Variants in BTLA observed in about 807,000 individuals in gnomAD.
BTLA encodes the protein B- and T-lymphocyte attenuator.
A neutral mutation model predicts 25.0 loss-of-function variants in BTLA; 11 were observed. That is an observed-to-expected ratio of 0.44 (90% CI 0.28 to 0.73). The LOEUF is 0.73. BTLA is among the 30% of genes least tolerant of loss of function. BTLA has a pLI of 0.15. For missense variants in BTLA, 282 were observed against 332.8 expected (o/e 0.85, Z 1.19); for synonymous variants, 104 against 119.8 (o/e 0.87, Z 0.86).
At chr3:112,469,546 A>G (rs1327346767) in intron 4 of BTLA, among the ~76,000 whole-genome samples, 2 of 149,420 alleles carry the variant, frequency 1.3e-5, no homozygotes, top group African/African-American at 5.0e-5. Context: ...TGTTAACCCT[A>G]AAGAGTCTTT....
intron 1 of BTLA, among the ~76,000 whole-genome samples, chr3:112,484,168 A>G (rs1396519861): frequency 6.6e-6 from 1 of 152,160 alleles, no homozygotes. Context: ...GGGACCAGGA[A>G]TCTCATGATA....
intron 1 of BTLA, among the ~76,000 whole-genome samples, chr3:112,491,493 G>T (rs2082379731): frequency 6.6e-6 from 1 of 152,048 alleles, no homozygotes; most frequent in South Asian, 2.1e-4. Flanking sequence ...GAGGAAACTG[G>T]GTATTAGAGA....
At chr3:112,467,446 G>A (rs1331886248) in intron 4 of BTLA, among the ~76,000 whole-genome samples, 5 of 152,186 alleles carry the variant, frequency 3.3e-5, no homozygotes, top group African/African-American at 1.2e-4. Flanking sequence ...GGCTATTTCA[G>A]TTTTTTAAAT....
intron 2 of BTLA, among the ~76,000 whole-genome samples, chr3:112,476,646 ACTCTT>A (rs1320528161): frequency 1.3e-5 from 2 of 152,146 alleles, no homozygotes; most frequent in African/African-American, 4.8e-5. Context: ...ATTAAAGGGC[ACTCTT>A]CTTTGATCCA....
intron 1 of BTLA, among the ~76,000 whole-genome samples, chr3:112,488,250 C>G (rs1190641104): frequency 9.5e-6 from 1 of 105,396 alleles, no homozygotes; most frequent in African/African-American, 3.6e-5. Flanking sequence ...TTTTTTGAGA[C>G]AGAGTCTCGC....
At position 112,464,759 on chromosome 3, in the gene BTLA, G is replaced by C. The variant is rs1431373797; in HGVS notation, c.*1349C>G. ...TGAAAATATAATGTCAATTTGATCA[G>C]TTTCTCGTGCACCATTTCTGTTGTC... On this transcript the variant is annotated 3_prime_UTR_variant, in exon 5 of 5. Coordinates refer to ENST00000334529, the MANE Select transcript of BTLA (RefSeq NM_181780.4). 1 of 151,162 alleles carries C rather than the reference G, an allele frequency of 6.6e-6. No homozygotes were observed. Among genetic ancestry groups the C allele is most frequent in the Non-Finnish European group, 1.5e-5 (1 of 67,846 alleles). 9.4% of individuals were successfully genotyped at this position (151,162 alleles called of 1,614,324 possible). A position where few individuals can be genotyped will look rare whatever the true frequency, so the allele number is the denominator to read the frequency against.
At position 112,471,335 on chromosome 3, in the gene BTLA, G is replaced by A. The variant is rs780433132; in HGVS notation, c.424C>T (p.Arg142Ter). 3.7e-6 allele frequency: 6 copies of A among 1,613,566 alleles called. No homozygotes were observed. The highest frequency in any genetic ancestry group is 1.3e-5 in the African/African-American group (1 of 74,856). The change falls in exon 3 of 5, where the codon CGA becomes TGA. Residue 142 changes from arginine to a stop codon, truncating the protein, a stop_gained. Transcript: ENST00000334529. LOFTEE classifies it high-confidence loss of function. ...YVTDVKSASE[R>*]PSKDEMASRP... ...CTTGCCATTTCGTCCTTGGAGGGTC[G>A]TTCTGAGGCACTTTTTACATCTGGA...
At chr3:112,480,858 G>C (rs921140933) in intron 1 of BTLA, among the ~76,000 whole-genome samples, 1 of 152,006 alleles carries the variant, frequency 6.6e-6, no homozygotes, top group African/African-American at 2.4e-5. Context: ...CATCTCAATA[G>C]CCCCAAAAGT....
chr3:112,478,260 T>C (rs1349959002), intron 2 of BTLA, among the ~76,000 whole-genome samples: 1 of 152,158 alleles, frequency 6.6e-6, no homozygotes, highest in African/African-American at 2.4e-5. Flanking sequence ...AGTCCATGAA[T>C]ACAGAATGTC....
At chr3:112,496,644 G>A (rs564022781) in intron 1 of BTLA, among the ~76,000 whole-genome samples, 1 of 152,284 alleles carries the variant, frequency 6.6e-6, no homozygotes, top group South Asian at 2.1e-4. Context: ...GCTCTGCCTG[G>A]GAGAACAAAT....
chr3:112,484,580 C>T (rs905585305), intron 1 of BTLA, among the ~76,000 whole-genome samples: 2 of 152,194 alleles, frequency 1.3e-5, no homozygotes, highest in African/African-American at 4.8e-5. Context: ...CACTTCTAGC[C>T]TGCAATTTCT....
chr3:112,484,125 T>C (rs1244019366), intron 1 of BTLA, among the ~76,000 whole-genome samples: 1 of 152,092 alleles, frequency 6.6e-6, no homozygotes, highest in Non-Finnish European at 1.5e-5. Flanking sequence ...AGGAGGTATT[T>C]TAAGAGTGAG....
At position 112,482,302 on chromosome 3, in the gene BTLA, T is replaced by G. The variant is rs890515938; in HGVS notation, c.89-2533A>C. On this transcript the variant is annotated intron_variant, in intron 1 of 4. Transcript: ENST00000334529. ...CTGAATAGATGTACAGTATCATACA[T>G]TAGAATGACATAAGTGTAACAGAGA... Among the ~76,000 whole-genome samples the G allele has an allele frequency of 3.3e-5, 5 of 152,210 alleles. 1 individual carries two copies. The highest frequency in any genetic ancestry group is 3.3e-4 in the Admixed American group (5 of 15,282).
chr3:112,498,197 T>C (rs773379110), intron 1 of BTLA, among the ~76,000 whole-genome samples: 6 of 152,076 alleles, frequency 3.9e-5, no homozygotes, highest in Admixed American at 1.3e-4. Context: ...CAGTGCTCAG[T>C]TGGGTAGGAC....
intron 2 of BTLA, among the ~76,000 whole-genome samples, chr3:112,471,749 T>C (rs944362944): frequency 1.3e-5 from 2 of 152,182 alleles, no homozygotes; most frequent in African/African-American, 4.8e-5. Flanking sequence ...AGCTAGTGAG[T>C]GGCAATGGGA....
chr3:112,470,592 A>C (rs190827805), intron 3 of BTLA: 2 of 152,240 alleles, frequency 1.3e-5, no homozygotes, highest in African/African-American at 4.8e-5. Flanking sequence ...TGGTCATGAC[A>C]TTGAGAGAGT....
At chr3:112,486,984 C>G (rs181695352) in intron 1 of BTLA, among the ~76,000 whole-genome samples, 2 of 152,274 alleles carry the variant, frequency 1.3e-5, no homozygotes, top group East Asian at 3.9e-4. Context: ...GATGAGGACA[C>G]AAAGTGTCCT....
intron 1 of BTLA, among the ~76,000 whole-genome samples, chr3:112,488,049 G>A (rs1332003782): frequency 6.6e-6 from 1 of 151,972 alleles, no homozygotes; most frequent in Non-Finnish European, 1.5e-5. Flanking sequence ...ATTGATTCAG[G>A]ATGGAAAATG....
chr3:112,482,329 G>A (rs1254817731), intron 1 of BTLA, among the ~76,000 whole-genome samples: 1 of 152,150 alleles, frequency 6.6e-6, no homozygotes, highest in Admixed American at 6.5e-5. Context: ...TAACAGAGAT[G>A]ATAGCCAAAA....
Sources: gnomAD v4.1 joint callset for allele counts (sites outside exome capture counted in the v4.1 genomes callset) on GRCh38, gnomAD v4.1.1 for gene constraint, MANE v1.5 for transcripts, NCBI Gene and HGNC (gene_info 2026-07-23, HGNC 2026-07-21) for gene names.